The following SLC7A2 variants were observed in gnomAD, a reference collection of about 807,000 sequenced individuals.
SLC7A2 encodes cationic amino acid transporter 2.
In SLC7A2, 48 loss-of-function variants were observed where a neutral mutation model predicts 58.9. The observed-to-expected ratio is 0.82, with a 90% CI of 0.65 to 1.04. The LOEUF is 1.04. Among genes scored for constraint, SLC7A2 ranks in the 50% least tolerant of loss-of-function variants. The probability of loss-of-function intolerance (pLI) is 0.00; values close to 1 mark genes in which losing one functional copy is unlikely to be tolerated. For synonymous variants in SLC7A2, 363 were observed against 314.5 expected (o/e 1.15, Z -1.63); for missense variants, 1,029 against 818.8 (o/e 1.26, Z -3.13).
At chr8:17,518,136 T>A (rs1800873807) in intron 2 of SLC7A2, among the ~76,000 whole-genome samples, 1 of 152,112 alleles carries the variant, frequency 6.6e-6, no homozygotes, top group Non-Finnish European at 1.5e-5. Flanking sequence ...TGGCCTTGCT[T>A]AAAAATGGAA....
At chr8:17,554,847 G>A (rs1802617117) in intron 8 of SLC7A2, 148 bp downstream of exon 8, 3 of 1,463,320 alleles carry the variant, frequency 2.1e-6, no homozygotes, top group Non-Finnish European at 1.8e-6. Context: ...TGAATTTTTT[G>A]GTTCTGCATT....
intron 2 of SLC7A2, among the ~76,000 whole-genome samples, chr8:17,526,299 A>T (rs557475794): frequency 3.3e-5 from 5 of 152,300 alleles, no homozygotes; most frequent in African/African-American, 1.2e-4. Context: ...GAAATGGTTG[A>T]TTGGAAGCTT....
Position 17,566,300 on chromosome 8 carries a change from G to C in SLC7A2, c.*1154G>C, listed in dbSNP as rs558598845. On this transcript the variant is annotated 3_prime_UTR_variant, in exon 13 of 13. Transcript: ENST00000494857. ...GGGCTACAGCAGCATCATGCAAAGA[G>C]GGAAAGATGAAGGGATAGAAGAAGA... The C allele has an allele frequency of 3.2e-4, 49 of 152,302 alleles. No homozygotes were observed. Among genetic ancestry groups the C allele is most frequent in the African/African-American group, 1.2e-3 (48 of 41,550 alleles). The allele number at this position is 152,302 out of a possible 1,614,324, so 9.4% of individuals were successfully genotyped here. A position where few individuals can be genotyped will look rare whatever the true frequency, so the allele number is the denominator to read the frequency against.
chr8:17,535,851 C>T (rs1413121666), intron 2 of SLC7A2, among the ~76,000 whole-genome samples: 3 of 152,116 alleles, frequency 2.0e-5, no homozygotes, highest in East Asian at 1.9e-4. Flanking sequence ...GGCAGTGAGC[C>T]GAGATCATGC....
In SLC7A2 at chr8:17,562,881, C is replaced by T. The variant is rs1803085833; in HGVS notation, c.1672-722C>T. Among the ~76,000 whole-genome samples the T allele has an allele frequency of 5.3e-5, 8 of 152,302 alleles. No individual in the cohort carries two copies. The South Asian group carries it at 1.7e-3, about 32-fold the overall frequency. ...TTGGGCTGGGTGTGGTGCCTCACACCTGTAATCCCAGCACTTTGAAAGGCC... is the reference window on the plus strand; with the variant it reads ...TTGGGCTGGGTGTGGTGCCTCACACTTGTAATCCCAGCACTTTGAAAGGCC... On this transcript the variant is annotated intron_variant, in intron 11 of 12. Transcript: ENST00000494857.
chr8:17,494,445 G>T (rs1799912523), upstream of SLC7A2, among the ~76,000 whole-genome samples: 1 of 152,176 alleles, frequency 6.6e-6, no homozygotes, highest in Non-Finnish European at 1.5e-5. Flanking sequence ...GAGGAAACTT[G>T]ACGGCTGAAA....
rs756950600 is a variant in SLC7A2 at position 17,554,750 on chromosome 8, G to A, written c.1195+51G>A. 1.9e-6 allele frequency: 3 copies of A among 1,539,760 alleles called. No homozygotes were observed. In the African/African-American group the frequency reaches 4.2e-5, roughly 21 times the overall value. On this transcript the variant is annotated intron_variant, in intron 8 of 12. Transcript: ENST00000494857. The stretch of plus-strand genomic sequence containing the variant: ...GAAACGGGGGATCTTTTTCATCAAG[G>A]ACTCTGCATTAAAAATACAAAGCTA...
chr8:17,523,080 A>T (rs1313452506), intron 2 of SLC7A2, among the ~76,000 whole-genome samples: 1 of 152,126 alleles, frequency 6.6e-6, no homozygotes, highest in Non-Finnish European at 1.5e-5. Flanking sequence ...GAGGTGCAGC[A>T]AACCACTGTG....
chr8:17,536,630 G>C (rs138992335), intron 2 of SLC7A2, among the ~76,000 whole-genome samples: 1,644 of 152,230 alleles, frequency 0.011, 17 homozygotes, highest in African/African-American at 0.037. Flanking sequence ...GTAAAGGGCA[G>C]AACTAATGCA....
intron 11 of SLC7A2, 79 bp from the exon 12 acceptor site, chr8:17,563,524 A>C (rs1199708827): frequency 1.2e-6 from 1 of 844,262 alleles, no homozygotes; most frequent in South Asian, 1.5e-5. Context: ...ATGCCAAATT[A>C]ATTGCCACCC....
chr8:17,555,066 T>G (rs2150764532), intron 8 of SLC7A2: 1 of 1,613,990 alleles, frequency 6.2e-7, no homozygotes, highest in East Asian at 2.2e-5. Flanking sequence ...CCACGTTGAC[T>G]GCAGGGGTCA....
chr8:17,562,010 C>G lies in SLC7A2; in HGVS notation c.1571C>G (p.Ala524Gly), dbSNP rs1260315007. 6.2e-7 allele frequency: 1 copy of G among 1,614,020 alleles called. No homozygotes were observed. Among genetic ancestry groups the G allele is most frequent in the African/African-American group, 1.3e-5 (1 of 75,002 alleles). ...YGVHAITRLE[A>G]WSLALLALFL... Reference sequence around the variant, plus strand: ...GTTCATGCCATCACCAGGCTGGAGGCCTGGAGCCTCGCTCTCCTCGCGCTG... The same window carrying G: ...GTTCATGCCATCACCAGGCTGGAGGGCTGGAGCCTCGCTCTCCTCGCGCTG... The change falls in exon 11 of 13, where the codon GCC (alanine) becomes GGC (glycine). Residue 524 changes from alanine to glycine, a missense_variant. Ala to Gly is a moderately conservative substitution (Grantham distance 60). Transcript: ENST00000494857.
chr8:17,508,320 G>C (rs1188382560), intron 2 of SLC7A2, among the ~76,000 whole-genome samples: 1 of 152,168 alleles, frequency 6.6e-6, no homozygotes, highest in Admixed American at 6.5e-5. Flanking sequence ...CAAGAGAAAT[G>C]TGAAGGACAA....
chr8:17,530,204 T>C (rs1450501711), intron 2 of SLC7A2, among the ~76,000 whole-genome samples: 1 of 152,124 alleles, frequency 6.6e-6, no homozygotes, highest in Non-Finnish European at 1.5e-5. Flanking sequence ...GGTCCGCCGC[T>C]GCTTCTTTGA....
chr8:17,524,770 A>G (rs1057273878), intron 2 of SLC7A2, among the ~76,000 whole-genome samples: 1 of 152,040 alleles, frequency 6.6e-6, no homozygotes, highest in African/African-American at 2.4e-5. Context: ...ATTTATGTAC[A>G]TAGTTGTGAC....
intron 2 of SLC7A2, among the ~76,000 whole-genome samples, chr8:17,527,850 A>T (rs1284947460): frequency 1.3e-5 from 2 of 152,202 alleles, no homozygotes; most frequent in Non-Finnish European, 2.9e-5. Flanking sequence ...GGACTTCAGC[A>T]TATTTTTCTG....
chr8:17,512,268 G>A (rs899640685), intron 2 of SLC7A2, among the ~76,000 whole-genome samples: 3 of 152,040 alleles, frequency 2.0e-5, no homozygotes, highest in African/African-American at 7.2e-5. Flanking sequence ...CAGAACCCTA[G>A]GCCAGGCACA....
rs991276603 is a variant in SLC7A2, at chr8:17,551,616, A to G, written c.833-148A>G. The G allele has an allele frequency of 1.4e-4, 93 of 658,234 alleles. 1 individual carries two copies. Among genetic ancestry groups the G allele is most frequent in the South Asian group, 2.1e-4 (11 of 52,430 alleles). The allele number at this position is 658,234 out of a possible 1,614,324, so 40.8% of individuals were successfully genotyped here. On this transcript the variant is annotated intron_variant, in intron 6 of 12. Coordinates refer to ENST00000494857, the MANE Select transcript of SLC7A2 (RefSeq NM_001370338.1). ...CTGTCTCAAAAATAAGTAAAATAAA[A>G]TGAAATAAAATAGATGGACCAAGAT...
At chr8:17,524,395 GATATAC>G (rs899843424) in intron 2 of SLC7A2, among the ~76,000 whole-genome samples, 13 of 145,688 alleles carry the variant, frequency 8.9e-5, no homozygotes, top group African/African-American at 3.3e-4. Context: ...GAAAATGTGA[GATATAC>G]ATATATGTGT....
Sources: gnomAD v4.1 joint callset for allele counts (sites outside exome capture counted in the v4.1 genomes callset) on GRCh38, gnomAD v4.1.1 for gene constraint, MANE v1.5 for transcripts, NCBI Gene and HGNC (gene_info 2026-07-23, HGNC 2026-07-21) for gene names.